COL28A1: variants seen among roughly 807,000 people sequenced by gnomAD.
The protein encoded by COL28A1 is collagen alpha-1(XXVIII) chain.
Under a neutral mutation model 150.2 loss-of-function variants are expected in COL28A1, and 161 were observed. That is an observed-to-expected ratio of 1.07 (90% CI 0.94 to 1.22). The LOEUF (loss-of-function observed/expected upper bound fraction) is 1.22, where lower values mean the gene tolerates loss of function less well. Ranked by LOEUF, COL28A1 falls within the 50% of genes most tolerant of loss-of-function variation. COL28A1 has a pLI of 0.00. For synonymous variants in COL28A1, 552 were observed against 469.7 expected (o/e 1.18, Z -2.26); for missense variants, 1,617 against 1,388.3 (o/e 1.16, Z -2.62).
At position 7,490,620 on chromosome 7, in the gene COL28A1, A is replaced by G. The variant is rs776560296; in HGVS notation, c.1053T>C (p.Tyr351=). The G allele has an allele frequency of 3.6e-6, 5 of 1,398,938 alleles. No individual in the cohort carries two copies. The highest frequency in any genetic ancestry group is 2.3e-5 in the East Asian group (1 of 43,880). 86.7% of individuals were successfully genotyped at this position (1,398,938 alleles called of 1,614,324 possible). ...CAATTCCAGGAGCTCCTGGAGAACC[A>G]TAAGGACCAGGAGGACCTGGCTCAC... is the stretch of plus-strand genomic sequence containing the variant. ...NKGEPGPPGP[Y]GSPGAPGIGQ... Residue 351 remains tyrosine (Y), a synonymous_variant, in exon 12 of 35, where the codon TAT becomes TAC. Coordinates refer to ENST00000399429, the MANE Select transcript of COL28A1 (RefSeq NM_001037763.3).
chr7:7,475,822 G>A (rs1788821679), intron 14 of COL28A1, among the ~76,000 whole-genome samples: 1 of 152,146 alleles, frequency 6.6e-6, no homozygotes, highest in African/African-American at 2.4e-5. Context: ...TTGCTGACCT[G>A]TCTTCTGATA....
At chr7:7,443,764 A>G in intron 19 of COL28A1, 111 bp from the exon 20 acceptor site, 1 of 1,434,946 alleles carries the variant, frequency 7.0e-7, no homozygotes, top group Non-Finnish European at 9.3e-7. Flanking sequence ...ACTCTCCAAA[A>G]CACACCATAC....
intron 27 of COL28A1, among the ~76,000 whole-genome samples, chr7:7,402,920 G>A (rs1783292130): frequency 6.6e-6 from 1 of 152,206 alleles, no homozygotes. Flanking sequence ...ACTACAGACA[G>A]GACTCATGTT....
intron 15 of COL28A1, among the ~76,000 whole-genome samples, chr7:7,474,070 A>AATATATATATATATATGGAATATAT (rs1554281241): frequency 6.3e-5 from 9 of 143,074 alleles, no homozygotes; most frequent in African/African-American, 2.3e-4. Context: ...ATATATATGG[A>AATATATATATATATATGGAATATAT]ATATATATAT....
In COL28A1 at chr7:7,437,575, A is replaced by G. The variant is rs76097505; in HGVS notation, c.1723-113T>C. 13,816 of 1,387,462 alleles carry G rather than the reference A, an allele frequency of 1.0e-2. 169 individuals are homozygous for G. The highest frequency in any genetic ancestry group is 9.4e-3 in the Non-Finnish European group (10,040 of 1,066,398). The allele number at this position is 1,387,462 out of a possible 1,614,324, so 85.9% of individuals were successfully genotyped here. A position where few individuals can be genotyped will look rare whatever the true frequency, so the allele number is the denominator to read the frequency against. On this transcript the variant is annotated intron_variant, in intron 21 of 34. Coordinates refer to ENST00000399429, the MANE Select transcript of COL28A1 (RefSeq NM_001037763.3). Reference sequence around the variant, plus strand: ...ATTTTTAAATTATGTTATGACCTCTATCTGTTTCAAAGACCAATGTGAAAA... The same window carrying G: ...ATTTTTAAATTATGTTATGACCTCTGTCTGTTTCAAAGACCAATGTGAAAA...
intron 22 of COL28A1, 143 bp from the exon 23 acceptor site, chr7:7,436,606 T>G (rs1218808215): frequency 4.8e-6 from 3 of 623,944 alleles, no homozygotes; most frequent in Non-Finnish European, 8.6e-6. Flanking sequence ...TCAAACATAT[T>G]TGAGGGGACT....
intron 27 of COL28A1, among the ~76,000 whole-genome samples, chr7:7,387,991 C>T (rs1205459463): frequency 6.6e-6 from 1 of 151,948 alleles, no homozygotes; most frequent in African/African-American, 2.4e-5. Context: ...TCTATACTTC[C>T]CTAGGATTTG....
At chr7:7,536,435 T>C (rs151241555), upstream of COL28A1, among the ~76,000 whole-genome samples, 101 of 152,288 alleles carry the variant, frequency 6.6e-4, 2 homozygotes, top group East Asian at 0.017. Flanking sequence ...AGAGAGTAGA[T>C]TTAATCATTT....
chr7:7,534,784 C>A (rs1583593477), intron 1 of COL28A1, among the ~76,000 whole-genome samples: 1 of 152,250 alleles, frequency 6.6e-6, no homozygotes, highest in Middle Eastern at 3.4e-3. Context: ...ACAAACATAA[C>A]TTTTCCATTG....
At chr7:7,362,549 C>G (rs908993371) in intron 33 of COL28A1, among the ~76,000 whole-genome samples, 6 of 152,224 alleles carry the variant, frequency 3.9e-5, no homozygotes, top group Admixed American at 2.6e-4. Context: ...GTAATTAGTA[C>G]TATTACTCAT....
intron 14 of COL28A1, among the ~76,000 whole-genome samples, chr7:7,475,117 T>G (rs1248315574): frequency 2.0e-5 from 3 of 152,160 alleles, no homozygotes; most frequent in African/African-American, 7.2e-5. Context: ...CCTTTTTTTT[T>G]GTTTATAAAC....
At chr7:7,432,444 C>T in intron 25 of COL28A1, 29 bp downstream of exon 25, 1 of 1,600,928 alleles carries the variant, frequency 6.2e-7, no homozygotes, top group Non-Finnish European at 8.6e-7. Context: ...CTCTTAGAAG[C>T]TAGTACGTTG....
chr7:7,453,322 T>C (rs775396223), intron 17 of COL28A1, 118 bp downstream of exon 17: 3 of 737,802 alleles, frequency 4.1e-6, no homozygotes, highest in African/African-American at 3.6e-5. Flanking sequence ...TTGCATTAAG[T>C]AGAGATCTCT....
At chr7:7,426,288 A>G (rs1369570602) in intron 25 of COL28A1, among the ~76,000 whole-genome samples, 1 of 152,240 alleles carries the variant, frequency 6.6e-6, no homozygotes, top group East Asian at 1.9e-4. Context: ...TAAAATTAAG[A>G]TATAACTACT....
intron 12 of COL28A1, 102 bp downstream of exon 12, chr7:7,490,475 TG>T (rs1381258777): frequency 1.1e-5 from 6 of 559,402 alleles, no homozygotes; most frequent in Non-Finnish European, 1.9e-5. Flanking sequence ...GAAGCCTCCT[TG>T]TGTCTATTGG....
At chr7:7,529,863 G>T (rs1473218666) in intron 3 of COL28A1, among the ~76,000 whole-genome samples, 1 of 152,162 alleles carries the variant, frequency 6.6e-6, no homozygotes, top group Non-Finnish European at 1.5e-5. Context: ...AGGGCTAAGT[G>T]TTAGCCAGGA....
chr7:7,508,618 T>A (rs1320258253), intron 9 of COL28A1, among the ~76,000 whole-genome samples: 2 of 152,228 alleles, frequency 1.3e-5, no homozygotes, highest in African/African-American at 2.4e-5. Flanking sequence ...TATACATTAC[T>A]TCACTGTTTG....
chr7:7,423,877 G>A lies in COL28A1; in HGVS notation c.1999-3924C>T, dbSNP rs753816079. On this transcript the variant is annotated intron_variant, in intron 25 of 34. Coordinates refer to ENST00000399429, the MANE Select transcript of COL28A1 (RefSeq NM_001037763.3). ...CCCTCAACCTTTGGGAGTATCTGAA[G>A]GCCAACTGCAGTAGGACAGCTGACC... Among the ~76,000 whole-genome samples, 5 of 152,116 alleles carry A rather than the reference G, an allele frequency of 3.3e-5. No homozygotes were observed. In the East Asian group the frequency reaches 5.8e-4, roughly 18 times the overall value.
At chr7:7,359,640 A>G (rs1013139908) in intron 34 of COL28A1, among the ~76,000 whole-genome samples, 1 of 152,156 alleles carries the variant, frequency 6.6e-6, no homozygotes, top group African/African-American at 2.4e-5. Flanking sequence ...TCTGGGACTT[A>G]TATGTGATAA....
Sources: gnomAD v4.1 joint callset for allele counts (sites outside exome capture counted in the v4.1 genomes callset) on GRCh38, gnomAD v4.1.1 for gene constraint, MANE v1.5 for transcripts, NCBI Gene and HGNC (gene_info 2026-07-23, HGNC 2026-07-21) for gene names.